Variants in FAM227B observed in about 807,000 individuals in gnomAD.
FAM227B encodes the protein family with sequence similarity 227 member B.
A neutral mutation model predicts 73.8 loss-of-function variants in FAM227B; 88 were observed. The ratio of observed to expected loss-of-function variants is 1.19; its 90% CI spans 1.00 to 1.42. The LOEUF is 1.42. Ranked by LOEUF, FAM227B falls within the 40% of genes most tolerant of loss-of-function variation. FAM227B has a pLI of 0.00. For synonymous variants in FAM227B, 210 were observed against 190.5 expected, an observed-to-expected ratio of 1.10 and a Z score of -0.84; for missense variants, 632 against 590.9, an observed-to-expected ratio of 1.07 and a Z score of -0.72.
chr15:49,416,283 A>G (rs1318863900), intron 11 of FAM227B, among the ~76,000 whole-genome samples: 1 of 151,856 alleles, frequency 6.6e-6, no homozygotes, highest in Non-Finnish European at 1.5e-5. Flanking sequence ...CCGAGTATCT[A>G]TTTGATAAAT....
intron 9 of FAM227B, among the ~76,000 whole-genome samples, chr15:49,542,272 G>A (rs1030916566): frequency 1.3e-5 from 2 of 150,986 alleles, no homozygotes; most frequent in African/African-American, 4.9e-5. Flanking sequence ...CTGAGTCACA[G>A]CCAGTGGAGG....
chr15:49,463,547 T>C (rs1178711466), intron 11 of FAM227B, among the ~76,000 whole-genome samples: 1 of 96,760 alleles, frequency 1.0e-5, no homozygotes, highest in Non-Finnish European at 2.0e-5. Flanking sequence ...TGAGATTCCG[T>C]CTCAAAAAAA....
At chr15:49,366,789 G>A in intron 13 of FAM227B, 1 of 589,936 alleles carries the variant, frequency 1.7e-6, no homozygotes, top group East Asian at 3.1e-5. Context: ...GGCCGGGCTA[G>A]GCTGGGATCG....
At chr15:49,463,696 T>G (rs1171232977) in intron 11 of FAM227B, among the ~76,000 whole-genome samples, 1 of 152,190 alleles carries the variant, frequency 6.6e-6, no homozygotes, top group East Asian at 1.9e-4. Context: ...GCCACAGTGT[T>G]TTATGCTTCT....
At chr15:49,495,836 C>A (rs947140013) in intron 11 of FAM227B, among the ~76,000 whole-genome samples, 6 of 151,812 alleles carry the variant, frequency 4.0e-5, no homozygotes, top group Non-Finnish European at 8.8e-5. Flanking sequence ...CAGTCTGGCC[C>A]ACATGGAGAA....
intron 14 of FAM227B, 82 bp downstream of exon 14, chr15:49,335,337 T>C: frequency 1.1e-6 from 1 of 875,602 alleles, no homozygotes; most frequent in East Asian, 2.6e-5. Context: ...ATTAAGGAAC[T>C]TAGTTTAGAT....
chr15:49,342,566 A>G (rs2040895720), intron 13 of FAM227B, among the ~76,000 whole-genome samples: 1 of 152,174 alleles, frequency 6.6e-6, no homozygotes, highest in South Asian at 2.1e-4. Context: ...CTTTGGTGCT[A>G]TCGTGAAGTT....
intron 7 of FAM227B, 164 bp downstream of exon 7, chr15:49,576,577 G>C (rs890183946): frequency 1.1e-5 from 6 of 567,496 alleles, no homozygotes; most frequent in African/African-American, 9.5e-5. Flanking sequence ...ATTCTTTTCT[G>C]GTAATTAGCG....
chr15:49,602,231 T>C (rs77694202), intron 3 of FAM227B, among the ~76,000 whole-genome samples: 2,232 of 152,310 alleles, frequency 0.015, 73 homozygotes, highest in African/African-American at 0.052. Context: ...TTGTTCACTG[T>C]AGTGGTTGTA....
intron 3 of FAM227B, among the ~76,000 whole-genome samples, chr15:49,592,148 A>T (rs1421803891): frequency 1.3e-5 from 2 of 151,640 alleles, no homozygotes; most frequent in African/African-American, 4.9e-5. Context: ...GTTATTACTG[A>T]CCTCCTAGAG....
chr15:49,587,562 A>T (rs2076244694), intron 5 of FAM227B, among the ~76,000 whole-genome samples: 1 of 152,290 alleles, frequency 6.6e-6, no homozygotes, highest in East Asian at 1.9e-4. Flanking sequence ...TAGCTCTAAC[A>T]TTATATAATT....
At chr15:49,564,947 G>A (rs960228604) in intron 9 of FAM227B, among the ~76,000 whole-genome samples, 11 of 151,904 alleles carry the variant, frequency 7.2e-5, no homozygotes, top group African/African-American at 4.8e-5. Context: ...GAACCTGCAC[G>A]TGCACTCCCT....
chr15:49,545,777 A>G (rs2071753398), intron 9 of FAM227B, among the ~76,000 whole-genome samples: 1 of 152,088 alleles, frequency 6.6e-6, no homozygotes. Flanking sequence ...CAGATTATTT[A>G]ACTTCCATGT....
chr15:49,550,397 C>A (rs1367541760), intron 9 of FAM227B, among the ~76,000 whole-genome samples: 1 of 151,746 alleles, frequency 6.6e-6, no homozygotes, highest in South Asian at 2.1e-4. Context: ...CCCCCACCTC[C>A]CTCCCGGACG....
chr15:49,452,452 A>T (rs1480874466), intron 11 of FAM227B, among the ~76,000 whole-genome samples: 1 of 152,218 alleles, frequency 6.6e-6, no homozygotes, highest in Non-Finnish European at 1.5e-5. Flanking sequence ...CTATGGGAAA[A>T]AATGTTTGGT....
At chr15:49,517,373 T>C (rs937158337) in intron 10 of FAM227B, among the ~76,000 whole-genome samples, 1 of 152,166 alleles carries the variant, frequency 6.6e-6, no homozygotes, top group Non-Finnish European at 1.5e-5. Flanking sequence ...GTATTTTAGA[T>C]CTATAATACA....
rs1036394496 is a variant in FAM227B at position 49,589,931 on chromosome 15, C to A, written c.182G>T (p.Ser61Ile). The A allele has an allele frequency of 6.2e-7, 1 of 1,602,924 alleles. No homozygotes were observed. The highest frequency in any genetic ancestry group is 1.1e-5 in the South Asian group (1 of 90,814). Residue 61 changes from serine to isoleucine, a missense_variant, in exon 4 of 16, where the codon AGT becomes ATT. Physicochemically the swap from Ser to Ile is moderately radical, Grantham distance 142 (BLOSUM62 -2). Coordinates refer to ENST00000299338, the MANE Select transcript of FAM227B (RefSeq NM_152647.3). ...SCTLKKIKED[S>I]SFVSIYTHLW... is the part of the protein sequence containing the mutation. Reference sequence around the variant, plus strand: ...GTGTGTATAAATTGAAACAAATGAACTATCTTCTTTTATTTTTTTCAGAGT... The same window carrying A: ...GTGTGTATAAATTGAAACAAATGAAATATCTTCTTTTATTTTTTTCAGAGT...
At chr15:49,611,814 T>C (rs373347672) in intron 2 of FAM227B, among the ~76,000 whole-genome samples, 13 of 152,204 alleles carry the variant, frequency 8.5e-5, no homozygotes, top group African/African-American at 3.1e-4. Flanking sequence ...CTTTTCGCCT[T>C]AGAGACTTTG....
rs374175758 is a variant in FAM227B, at chr15:49,465,363, T to G, written c.1012+42848A>C. 1.5e-4 allele frequency among the ~76,000 whole-genome samples: 22 copies of G among 151,632 alleles called. No homozygotes were observed. The East Asian group carries it at 4.3e-3, about 29-fold the overall frequency. Reference sequence around the variant, plus strand: ...ATGTTGGCCAGGCTGCTCGAACTCCTGAGCTCAAGTGATCTGCCCACCTCG... The same window carrying G: ...ATGTTGGCCAGGCTGCTCGAACTCCGGAGCTCAAGTGATCTGCCCACCTCG... On this transcript the variant is annotated intron_variant, in intron 11 of 15. Coordinates refer to ENST00000299338, the MANE Select transcript of FAM227B (RefSeq NM_152647.3).
Sources: gnomAD v4.1 joint callset for allele counts (sites outside exome capture counted in the v4.1 genomes callset) on GRCh38, gnomAD v4.1.1 for gene constraint, MANE v1.5 for transcripts, NCBI Gene and HGNC (gene_info 2026-07-23, HGNC 2026-07-21) for gene names.